The following DLEC1 variants were observed in gnomAD, a reference collection of about 807,000 sequenced individuals.
DLEC1 encodes the protein deleted in lung and esophageal cancer protein 1.
Under a neutral mutation model 198.1 loss-of-function variants are expected in DLEC1, and 146 were observed. The ratio of observed to expected loss-of-function variants is 0.74; its 90% CI spans 0.64 to 0.85. The LOEUF (loss-of-function observed/expected upper bound fraction) is 0.85. DLEC1 is among the 40% of genes least tolerant of loss of function. The pLI is 0.00. For missense variants in DLEC1, 2,233 were observed against 2,220.0 expected, an observed-to-expected ratio of 1.01 and a Z score of -0.12; for synonymous variants, 897 against 866.8, an observed-to-expected ratio of 1.03 and a Z score of -0.61.
At chr3:38,115,940 G>C (rs546492823) in intron 27 of DLEC1, among the ~76,000 whole-genome samples, 98 of 152,222 alleles carry the variant, frequency 6.4e-4, no homozygotes, top group African/African-American at 2.2e-3. Context: ...TACTCAGAGG[G>C]ACGGCACAGT....
chr3:38,118,629 C>T (rs1174048966), intron 33 of DLEC1, among the ~76,000 whole-genome samples: 2 of 152,050 alleles, frequency 1.3e-5, no homozygotes, highest in Non-Finnish European at 2.9e-5. Flanking sequence ...GTGCGCACAC[C>T]CATATCTGCA....
chr3:38,083,298 G>A (rs1309162349), intron 6 of DLEC1, among the ~76,000 whole-genome samples: 1 of 151,254 alleles, frequency 6.6e-6, no homozygotes, highest in East Asian at 1.9e-4. Flanking sequence ...AGATGGGGTG[G>A]GGCTGTTTTA....
chr3:38,117,384 C>A, intron 31 of DLEC1, 82 bp downstream of exon 31: 1 of 1,601,724 alleles, frequency 6.2e-7, no homozygotes, highest in South Asian at 1.1e-5. Flanking sequence ...AGGCAGGGTT[C>A]TCAGAGCAAA....
Position 38,100,693 on chromosome 3 carries a change from A to C in DLEC1, c.2864+268A>C, listed in dbSNP as rs1193471856. 3.3e-5 allele frequency among the ~76,000 whole-genome samples: 5 copies of C among 152,180 alleles called. No homozygotes were observed. In the East Asian group the frequency reaches 9.6e-4, roughly 29 times the overall value. On this transcript the variant is annotated intron_variant, in intron 19 of 36. Coordinates refer to ENST00000308059, the MANE Select transcript of DLEC1 (RefSeq NM_007335.4). ...GTAAATTAGTATAACTACTTTCGAA[A>C]CTACGTTAGCATCAGCTAGTGTTTG... is the stretch of plus-strand genomic sequence containing the variant.
chr3:38,068,023 G>C (rs149120476), intron 6 of DLEC1, among the ~76,000 whole-genome samples: 191 of 152,224 alleles, frequency 1.3e-3, no homozygotes, highest in Middle Eastern at 6.8e-3. Context: ...CAAAGTCCTG[G>C]GATTACAGGC....
intron 14 of DLEC1, among the ~76,000 whole-genome samples, chr3:38,096,236 G>A (rs961558674): frequency 6.6e-6 from 1 of 152,208 alleles, no homozygotes; most frequent in Non-Finnish European, 1.5e-5. Flanking sequence ...GTGGTGGTGA[G>A]TGTGGAGGAA....
rs184207282 is a variant in DLEC1, at chr3:38,054,630, G to T, written c.563-5112G>T. 1.4e-4 allele frequency among the ~76,000 whole-genome samples: 21 copies of T among 152,328 alleles called. No individual in the cohort carries two copies. In the South Asian group the frequency reaches 2.7e-3, roughly 20 times the overall value. On this transcript the variant is annotated intron_variant, in intron 2 of 36. Coordinates refer to ENST00000308059, the MANE Select transcript of DLEC1 (RefSeq NM_007335.4). ...CAACAAACCTGCACTTTGACTAGAA[G>T]AAACATGACCTCATTCCTCTAGACC...
chr3:38,065,767 T>A (rs1011379129), intron 6 of DLEC1, among the ~76,000 whole-genome samples: 1 of 152,092 alleles, frequency 6.6e-6, no homozygotes, highest in Non-Finnish European at 1.5e-5. Flanking sequence ...TCATTTGTTT[T>A]AAAAAAAAGT....
intron 21 of DLEC1, among the ~76,000 whole-genome samples, chr3:38,108,848 G>A (rs1176694913): frequency 1.3e-5 from 2 of 152,228 alleles, no homozygotes; most frequent in African/African-American, 4.8e-5. Context: ...GAGCAGAGCT[G>A]TTGCTCACAG....
chr3:38,121,795 T>TG lies in DLEC1; in HGVS notation c.5020+15dup. 6.2e-7 allele frequency: 1 copy of TG among 1,612,578 alleles called. No homozygotes were observed. Among genetic ancestry groups the TG allele is most frequent in the Non-Finnish European group, 8.5e-7 (1 of 1,178,872 alleles). On this transcript the variant is annotated intron_variant, in intron 35 of 36. Coordinates refer to ENST00000308059, the MANE Select transcript of DLEC1 (RefSeq NM_007335.4). The stretch of plus-strand genomic sequence containing the variant: ...CTATGCTGATGGGTATGTCCTACCC[T>TG]GCCACCTACCCACCGTTCCCCTACA...
chr3:38,088,470 A>C (rs774841080), intron 10 of DLEC1, 82 bp downstream of exon 10: 31 of 1,333,300 alleles, frequency 2.3e-5, no homozygotes, highest in Middle Eastern at 3.7e-4. Context: ...TCAAGTGTCC[A>C]GTCCCATCCC....
chr3:38,119,481 C>A (rs1409007041), intron 33 of DLEC1, among the ~76,000 whole-genome samples: 1 of 152,134 alleles, frequency 6.6e-6, no homozygotes, highest in Non-Finnish European at 1.5e-5. Flanking sequence ...ATTCTCTTTT[C>A]TTCATCCCTA....
Position 38,123,366 on chromosome 3 carries a change from C to A in DLEC1, c.*954C>A. On this transcript the variant is annotated 3_prime_UTR_variant, in exon 37 of 37. Coordinates refer to ENST00000308059, the MANE Select transcript of DLEC1 (RefSeq NM_007335.4). ...GGATCATGCCCCTACATCCTAAGTT[C>A]AGGGTGTTTCTGTGTGCATGTTCCC... 1.9e-6 allele frequency: 1 copy of A among 515,506 alleles called. No individual in the cohort carries two copies. The highest frequency in any genetic ancestry group is 3.4e-5 in the Admixed American group (1 of 29,394). 31.9% of individuals were successfully genotyped at this position (515,506 alleles called of 1,614,324 possible). A position where few individuals can be genotyped will look rare whatever the true frequency, so the allele number is the denominator to read the frequency against.
intron 2 of DLEC1, 129 bp downstream of exon 2, chr3:38,045,822 T>C: frequency 1.0e-6 from 1 of 956,734 alleles, no homozygotes. Context: ...CATGATAATA[T>C]GAATATTACC....
At chr3:38,104,624 A>G (rs1699475886) in intron 19 of DLEC1, among the ~76,000 whole-genome samples, 2 of 152,062 alleles carry the variant, frequency 1.3e-5, no homozygotes, top group African/African-American at 4.8e-5. Flanking sequence ...TATGATCAGT[A>G]GTGATGTCCC....
chr3:38,080,775 G>A (rs1697936004), intron 6 of DLEC1, among the ~76,000 whole-genome samples: 1 of 149,936 alleles, frequency 6.7e-6, no homozygotes. Context: ...AGAGCGTAGA[G>A]ACACGGAGGG....
chr3:38,063,991 A>ATTTCCTTTTT (rs1696842674), intron 6 of DLEC1, 72 bp downstream of exon 6: 2 of 905,304 alleles, frequency 2.2e-6, no homozygotes, highest in African/African-American at 4.3e-5. Context: ...TATTATGGAA[A>ATTTCCTTTTT]TTTTCTTTTT....
chr3:38,094,830 C>T (rs748235337), intron 12 of DLEC1, 49 bp from the exon 13 acceptor site: 2 of 1,595,590 alleles, frequency 1.3e-6, no homozygotes, highest in South Asian at 2.3e-5. Context: ...GTGGAGGGAC[C>T]TGGTCCCAGC....
rs761587663 is a variant in DLEC1 at position 38,096,643 on chromosome 3, G to T, written c.2246G>T (p.Gly749Val). 3.1e-6 allele frequency: 5 copies of T among 1,613,010 alleles called. No individual in the cohort carries two copies. The highest frequency in any genetic ancestry group is 3.4e-6 in the Non-Finnish European group (4 of 1,180,018). Residue 749 changes from glycine (G) to valine (V), a missense_variant, in exon 15 of 37, where the codon GGC becomes GTC. By Grantham distance (109) the Gly-to-Val change is moderately radical (BLOSUM62 -3). Transcript: ENST00000308059. ...DVIVLEIEVK[G>V]SVEPFQVLLE... ...ATTGTCCTGGAAATCGAGGTGAAAG[G>T]CTCAGTAGAACCTTTCCAGGTTCTC... is the stretch of plus-strand genomic sequence containing the variant.
Sources: allele counts gnomAD v4.1 joint callset (sites outside exome capture counted in the v4.1 genomes callset), GRCh38; gene constraint gnomAD v4.1.1; transcripts MANE v1.5; gene names NCBI Gene and HGNC (gene_info 2026-07-23, HGNC 2026-07-21).